NEDD4L: variants seen among roughly 807,000 people sequenced by gnomAD.
NEDD4L encodes the protein E3 ubiquitin-protein ligase NEDD4-like.
Under a neutral mutation model 148.9 loss-of-function variants are expected in NEDD4L, and 54 were observed. That is an observed-to-expected ratio of 0.36 (90% CI 0.29 to 0.45). NEDD4L has a LOEUF of 0.45. Ranked by LOEUF, NEDD4L falls within the 20% of genes least tolerant of loss-of-function variation. The probability of loss-of-function intolerance (pLI) is 1.00; values close to 1 mark genes in which losing one functional copy is unlikely to be tolerated. For synonymous variants in NEDD4L, 433 were observed against 440.7 expected (o/e 0.98, Z 0.22); for missense variants, 856 against 1,233.8 (o/e 0.69, Z 4.59).
At chr18:58,158,549 A>G (rs1294978737) in intron 1 of NEDD4L, among the ~76,000 whole-genome samples, 1 of 152,198 alleles carries the variant, frequency 6.6e-6, no homozygotes, top group African/African-American at 2.4e-5. Flanking sequence ...TCTACTTGGC[A>G]TAATAGCAGC....
At position 58,123,939 on chromosome 18, in the gene NEDD4L, G is replaced by A. The variant is rs185168794; in HGVS notation, c.49-41849G>A. ...AACCCTTTTTCCTCCTGCATTATTC[G>A]TTTCTTCCTTTCTTCCGCATCCTTC... On this transcript the variant is annotated intron_variant, in intron 1 of 30. Coordinates refer to ENST00000400345, the MANE Select transcript of NEDD4L (RefSeq NM_001144967.3). 7.9e-5 allele frequency among the ~76,000 whole-genome samples: 12 copies of A among 152,132 alleles called. No individual in the cohort carries two copies. In the East Asian group the frequency reaches 9.7e-4, roughly 12 times the overall value.
intron 19 of NEDD4L, among the ~76,000 whole-genome samples, chr18:58,358,675 A>T (rs1312251215): frequency 3.3e-5 from 5 of 151,926 alleles, no homozygotes; most frequent in African/African-American, 4.8e-5. Flanking sequence ...CTTCATTTTT[A>T]TTATTATTAT....
At chr18:58,163,257 C>G (rs1485686488) in intron 1 of NEDD4L, among the ~76,000 whole-genome samples, 2 of 152,138 alleles carry the variant, frequency 1.3e-5, no homozygotes, top group Non-Finnish European at 2.9e-5. Flanking sequence ...GTAAAAAATA[C>G]TCTAGCAGGG....
chr18:58,287,686 T>G (rs931339734), intron 5 of NEDD4L, among the ~76,000 whole-genome samples: 8 of 152,238 alleles, frequency 5.3e-5, no homozygotes, highest in African/African-American at 1.9e-4. Flanking sequence ...CTTTGCTTCC[T>G]TATGTATCGT....
chr18:58,077,160 C>CTTTT (rs60248050), intron 1 of NEDD4L, among the ~76,000 whole-genome samples: 6 of 48,922 alleles, frequency 1.2e-4, no homozygotes, highest in Admixed American at 3.5e-4. Flanking sequence ...CTCATAACGG[C>CTTTT]TTTTTTTTTT....
intron 5 of NEDD4L, among the ~76,000 whole-genome samples, chr18:58,284,672 C>G (rs968073313): frequency 1.3e-5 from 2 of 152,166 alleles, no homozygotes; most frequent in Non-Finnish European, 2.9e-5. Context: ...TTTTGTATAT[C>G]AAATATTTAA....
At chr18:58,304,793 A>T (rs1392611641) in intron 5 of NEDD4L, among the ~76,000 whole-genome samples, 1 of 152,222 alleles carries the variant, frequency 6.6e-6, no homozygotes, top group Non-Finnish European at 1.5e-5. Flanking sequence ...AACCACTTGA[A>T]AGAGGGGATG....
At chr18:58,144,515 C>T (rs757460707) in intron 1 of NEDD4L, among the ~76,000 whole-genome samples, 8 of 152,096 alleles carry the variant, frequency 5.3e-5, no homozygotes, top group Non-Finnish European at 1.0e-4. Context: ...CATGAGATTT[C>T]GGGGACAAAC....
intron 2 of NEDD4L, among the ~76,000 whole-genome samples, chr18:58,238,415 T>A (rs189174196): frequency 1.3e-3 from 192 of 152,332 alleles, no homozygotes; most frequent in African/African-American, 4.2e-3. Context: ...ATAACTTTTT[T>A]ATACTCATAA....
intron 2 of NEDD4L, among the ~76,000 whole-genome samples, chr18:58,211,198 G>A (rs1357375633): frequency 6.6e-6 from 1 of 152,158 alleles, no homozygotes; most frequent in Non-Finnish European, 1.5e-5. Context: ...AGGAATGAGA[G>A]AAGAATCTTA....
At chr18:58,369,188 T>G (rs1035014400) in intron 22 of NEDD4L, among the ~76,000 whole-genome samples, 2 of 152,174 alleles carry the variant, frequency 1.3e-5, no homozygotes, top group African/African-American at 4.8e-5. Flanking sequence ...GAGCTGCACC[T>G]CGGAGGTGGG....
At chr18:58,263,724 A>G (rs149183246) in intron 5 of NEDD4L, among the ~76,000 whole-genome samples, 3 of 135,216 alleles carry the variant, frequency 2.2e-5, no homozygotes, top group African/African-American at 5.6e-5. Flanking sequence ...TAGTTACCTC[A>G]TGAAGGAAAA....
At chr18:58,227,240 G>A (rs539859957) in intron 2 of NEDD4L, among the ~76,000 whole-genome samples, 48 of 152,344 alleles carry the variant, frequency 3.2e-4, no homozygotes, top group Admixed American at 3.1e-3. Flanking sequence ...TATCTCAGGT[G>A]CCTAAAACAA....
At chr18:58,221,672 G>A (rs577746804) in intron 2 of NEDD4L, 4 of 985,484 alleles carry the variant, frequency 4.1e-6, no homozygotes, top group African/African-American at 1.7e-5. Context: ...GGGAGCCGGA[G>A]GGTCACCAAG....
At chr18:58,369,633 G>A (rs1397778862) in intron 22 of NEDD4L, among the ~76,000 whole-genome samples, 1 of 152,206 alleles carries the variant, frequency 6.6e-6, no homozygotes, top group Non-Finnish European at 1.5e-5. Flanking sequence ...GAGGGTGGGT[G>A]CCTGGTGGGG....
At chr18:58,332,272 A>AT (rs1178027871) in intron 11 of NEDD4L, among the ~76,000 whole-genome samples, 1 of 152,222 alleles carries the variant, frequency 6.6e-6, no homozygotes, top group African/African-American at 2.4e-5. Context: ...ACAATGTTGT[A>AT]TTATTTCACA....
At chr18:58,372,377 C>T (rs529969899) in intron 23 of NEDD4L, 2 of 152,114 alleles carry the variant, frequency 1.3e-5, no homozygotes, top group East Asian at 1.9e-4. Flanking sequence ...CTCCCAAAGC[C>T]GAGGATTACA....
intron 1 of NEDD4L, among the ~76,000 whole-genome samples, chr18:58,161,440 T>C (rs1393370536): frequency 6.7e-6 from 1 of 148,516 alleles, no homozygotes; most frequent in East Asian, 1.9e-4. Flanking sequence ...TTTTTCTTTT[T>C]TTTTTTTTTT....
intron 1 of NEDD4L, among the ~76,000 whole-genome samples, chr18:58,103,530 A>G (rs1033628855): frequency 3.3e-5 from 5 of 152,146 alleles, no homozygotes; most frequent in African/African-American, 1.2e-4. Context: ...CACTTCTTTC[A>G]AAGCCCATGG....
Sources: allele counts gnomAD v4.1 joint callset (sites outside exome capture counted in the v4.1 genomes callset), GRCh38; gene constraint gnomAD v4.1.1; transcripts MANE v1.5; gene names NCBI Gene and HGNC (gene_info 2026-07-23, HGNC 2026-07-21).